Variants in CYP4F22 observed in about 807,000 individuals in gnomAD.
CYP4F22 encodes ultra-long-chain fatty acid omega-hydroxylase.
In CYP4F22, 37 loss-of-function variants were observed where a neutral mutation model predicts 60.4. The observed-to-expected ratio is 0.61, with a 90% confidence interval of 0.47 to 0.81. The LOEUF is 0.81. Among genes scored for constraint, CYP4F22 ranks in the 30% least tolerant of loss-of-function variants. The pLI is 0.00. For missense variants in CYP4F22, 655 were observed against 715.0 expected, an observed-to-expected ratio of 0.92 and a Z score of 0.96; for synonymous variants, 258 against 280.5, an observed-to-expected ratio of 0.92 and a Z score of 0.80.
chr19:15,514,896 T>TTA (rs1971135922), intron 1 of CYP4F22, among the ~76,000 whole-genome samples: 1 of 152,204 alleles, frequency 6.6e-6, no homozygotes, highest in Non-Finnish European at 1.5e-5. Flanking sequence ...TGACTTTCTC[T>TTA]GGTGCTTTTA....
chr19:15,522,733 C>T (rs1049226019), intron 1 of CYP4F22, among the ~76,000 whole-genome samples: 5 of 152,178 alleles, frequency 3.3e-5, no homozygotes, highest in South Asian at 4.2e-4. Flanking sequence ...TGTTTCGAGA[C>T]GGAGTCTCAC....
At chr19:15,539,818 G>T (rs188600197) in intron 7 of CYP4F22, among the ~76,000 whole-genome samples, 154 of 152,198 alleles carry the variant, frequency 1.0e-3, no homozygotes, top group Non-Finnish European at 2.5e-4. Context: ...TATAAGTTTT[G>T]ATTTTAGTCA....
At chr19:15,546,803 C>A (rs1314379075) in intron 10 of CYP4F22, among the ~76,000 whole-genome samples, 1 of 151,516 alleles carries the variant, frequency 6.6e-6, no homozygotes, top group Non-Finnish European at 1.5e-5. Context: ...GGCTGGAGTA[C>A]AGTGGCATGA....
At position 15,517,063 on chromosome 19, in the gene CYP4F22, C is replaced by T. The variant is rs1006294135; in HGVS notation, c.-108-6630C>T. ...CTTGAACTCCTGACCTCAGGCAATC[C>T]GCCCACCTCAGCCTCCCAAAGTGCT... On this transcript the variant is annotated intron_variant, in intron 1 of 13. Transcript: ENST00000269703. Among the ~76,000 whole-genome samples the T allele has an allele frequency of 1.4e-4, 21 of 152,218 alleles. 1 individual carries two copies. Among genetic ancestry groups the T allele is most frequent in the Admixed American group, 5.9e-4 (9 of 15,296 alleles).
rs958259116 is a variant in CYP4F22, at chr19:15,514,404, G to A, written c.-109+5821G>A. On this transcript the variant is annotated intron_variant, in intron 1 of 13. Transcript: ENST00000269703. ...CTCTCAAATGAAAATTTTATATAGT[G>A]TCGTCGGGCACGGTGGCTCATGCCA... Among the ~76,000 whole-genome samples the A allele has an allele frequency of 1.2e-4, 19 of 152,190 alleles. 1 individual carries two copies. The highest frequency in any genetic ancestry group is 4.6e-4 in the African/African-American group (19 of 41,440).
At position 15,529,760 on chromosome 19, in the gene CYP4F22, A is replaced by G; in HGVS notation, c.274A>G (p.Met92Val). The G allele has an allele frequency of 5.0e-6, 8 of 1,614,044 alleles. No homozygotes were observed. The highest frequency in any genetic ancestry group is 5.9e-6 in the Non-Finnish European group (7 of 1,180,028). ...LQDEKKVLDN[M>V]HHVLLVWMGP... ...AGATGAGAAGAAGGTACTGGACAAC[A>G]TGCACCATGTACTCTTGGTATGGAT... The change falls in exon 4 of 14, where the codon ATG (methionine) becomes GTG (valine). Residue 92 changes from methionine to valine, a missense_variant. By Grantham distance (21) the Met-to-Val change is conservative. This residue lies in a region of CYP4F22 where 430 missense variants were observed against 457.1 expected (regional missense o/e 0.94). Coordinates refer to ENST00000269703, the MANE Select transcript of CYP4F22 (RefSeq NM_173483.4).
At position 15,525,408 on chromosome 19, in the gene CYP4F22, GTCCACCCTTC is replaced by G; in HGVS notation, c.76_85del (p.Thr26SerfsTer15). ...AGACGGCGTTCCGCATATACGCGGT[GTCCACCCTTC>G]TCCTCTTCCTGCTCTTCTTCCTGTT... On this transcript the variant is annotated frameshift_variant, in exon 3 of 14. Transcript: ENST00000269703. LOFTEE classifies it high-confidence loss of function. 1 of 1,614,156 alleles carries G rather than the reference GTCCACCCTTC, an allele frequency of 6.2e-7. No homozygotes were observed. The highest frequency in any genetic ancestry group is 8.5e-7 in the Non-Finnish European group (1 of 1,180,028).
intron 4 of CYP4F22, among the ~76,000 whole-genome samples, chr19:15,535,939 C>G (rs181415373): frequency 1.3e-5 from 2 of 152,284 alleles, no homozygotes; most frequent in East Asian, 3.9e-4. Context: ...GAGAAGCATT[C>G]AAGTTCTCAT....
In CYP4F22 at chr19:15,540,680, A is replaced by G. The variant is rs1971449129; in HGVS notation, c.902A>G (p.Lys301Arg). The change falls in exon 8 of 14, where the codon AAG (lysine) becomes AGG (arginine). Residue 301 changes from lysine to arginine, a missense_variant. Physicochemically the swap from Lys to Arg is conservative, Grantham distance 26. Coordinates refer to ENST00000269703, the MANE Select transcript of CYP4F22 (RefSeq NM_173483.4). ...AEAWLKAKQG[K>R]TLDFIDVLLL... is the part of the protein sequence containing the mutation. ...GCCTGGCTTAAGGCCAAGCAGGGGA[A>G]GACCTTGGACTTTATTGATGTGCTG... 6.2e-7 allele frequency: 1 copy of G among 1,613,514 alleles called. No individual in the cohort carries two copies. Among genetic ancestry groups the G allele is most frequent in the Admixed American group, 1.7e-5 (1 of 59,932 alleles).
intron 10 of CYP4F22, among the ~76,000 whole-genome samples, chr19:15,546,812 G>A (rs1971531439): frequency 6.6e-6 from 1 of 151,648 alleles, no homozygotes; most frequent in African/African-American, 2.4e-5. Context: ...ACAGTGGCAT[G>A]ATCATAGCTC....
At chr19:15,509,887 TCC>T (rs1175407817) in intron 1 of CYP4F22, among the ~76,000 whole-genome samples, 8 of 129,672 alleles carry the variant, frequency 6.2e-5, no homozygotes, top group African/African-American at 8.5e-5. Context: ...CTTCCTTCCT[TCC>T]TTCCTTCCTT....
chr19:15,509,949 T>TTTCTTTC (rs1971070276), intron 1 of CYP4F22, among the ~76,000 whole-genome samples: 1 of 69,330 alleles, frequency 1.4e-5, no homozygotes, highest in Non-Finnish European at 3.2e-5. Context: ...TTCTTTCTTT[T>TTTCTTTC]CTCTGTCTCT....
intron 4 of CYP4F22, 88 bp downstream of exon 4, chr19:15,529,941 A>C: frequency 6.3e-7 from 1 of 1,576,404 alleles, no homozygotes; most frequent in African/African-American, 1.3e-5. Context: ...ATCCAGAGGA[A>C]GGGTCATTTG....
Position 15,540,688 on chromosome 19 carries a change from G to T in CYP4F22, c.910G>T (p.Asp304Tyr). 6.2e-7 allele frequency: 1 copy of T among 1,613,418 alleles called. No individual in the cohort carries two copies. The highest frequency in any genetic ancestry group is 1.1e-5 in the South Asian group (1 of 91,010). ...WLKAKQGKTL[D>Y]FIDVLLLARD... ...TAAGGCCAAGCAGGGGAAGACCTTG[G>T]ACTTTATTGATGTGCTGCTCCTGGC... Residue 304 changes from aspartate to tyrosine, a missense_variant, in exon 8 of 14, where the codon GAC (aspartate) becomes TAC (tyrosine). By Grantham distance (160) the Asp-to-Tyr change is radical (BLOSUM62 -3). Around this residue, in one of 3 missense-constraint regions of CYP4F22, gnomAD observed 430 missense variants for 457.1 expected, o/e 0.94. Coordinates refer to ENST00000269703, the MANE Select transcript of CYP4F22 (RefSeq NM_173483.4).
chr19:15,541,606 C>T (rs941565630), intron 8 of CYP4F22, among the ~76,000 whole-genome samples: 1 of 152,000 alleles, frequency 6.6e-6, no homozygotes, highest in African/African-American at 2.4e-5. Flanking sequence ...TTGGGCTGGG[C>T]GTGGTGGCTC....
chr19:15,526,511 C>T (rs1470895699), intron 3 of CYP4F22, among the ~76,000 whole-genome samples: 2 of 152,114 alleles, frequency 1.3e-5, no homozygotes, highest in African/African-American at 4.8e-5. Flanking sequence ...AATATTAACT[C>T]ATTCAGTTCT....
intron 1 of CYP4F22, among the ~76,000 whole-genome samples, chr19:15,518,498 A>ATAT (rs1555726929): frequency 0.012 from 1,847 of 149,716 alleles, 42 homozygotes; most frequent in African/African-American, 0.043. Flanking sequence ...AAAAAAAAAA[A>ATAT]ATTACCTGGG....
intron 6 of CYP4F22, 94 bp from the exon 7 acceptor site, chr19:15,537,778 A>C: frequency 6.2e-7 from 1 of 1,609,318 alleles, no homozygotes; most frequent in Non-Finnish European, 8.5e-7. Flanking sequence ...TTTATCTATA[A>C]AATGAGCTTG....
intron 3 of CYP4F22, among the ~76,000 whole-genome samples, chr19:15,529,236 C>A (rs984544274): frequency 6.6e-6 from 1 of 151,684 alleles, no homozygotes; most frequent in Non-Finnish European, 1.5e-5. Flanking sequence ...TCAAGCGATT[C>A]TCCTGTCTCA....
Sources: allele counts gnomAD v4.1 joint callset (sites outside exome capture counted in the v4.1 genomes callset), GRCh38; gene constraint gnomAD v4.1.1; regional missense constraint gnomAD v4.1.1; transcripts MANE v1.5; gene names NCBI Gene and HGNC (gene_info 2026-07-23, HGNC 2026-07-21).